MAML2: variants seen among roughly 807,000 people sequenced by gnomAD.
MAML2 encodes the protein mastermind like transcriptional coactivator 2.
Under a neutral mutation model 96.1 loss-of-function variants are expected in MAML2, and 22 were observed. The observed-to-expected ratio is 0.23, with a 90% confidence interval of 0.16 to 0.33. The LOEUF (loss-of-function observed/expected upper bound fraction) is 0.33. Ranked by LOEUF, MAML2 falls within the 10% of genes least tolerant of loss-of-function variation. The pLI is 1.00. For missense variants in MAML2, 1,367 were observed against 1,392.4 expected (o/e 0.98, Z 0.29); for synonymous variants, 561 against 521.3 (o/e 1.08, Z -1.04).
intron 2 of MAML2, 101 bp from the exon 3 acceptor site, chr11:95,991,824 T>G: frequency 1.1e-6 from 1 of 882,598 alleles, no homozygotes; most frequent in Non-Finnish European, 1.8e-6. Context: ...TTTCATCTTA[T>G]TAAAGATCAA....
intron 1 of MAML2, among the ~76,000 whole-genome samples, chr11:96,333,212 G>A (rs1863876060): frequency 6.6e-6 from 1 of 152,128 alleles, no homozygotes; most frequent in Non-Finnish European, 1.5e-5. Context: ...CCATGTTAAT[G>A]TATGAATCTG....
In MAML2 at chr11:96,343,048, T is replaced by C. The variant is rs1435328530; in HGVS notation, c.-1153A>G. 7.6e-6 allele frequency: 3 copies of C among 397,072 alleles called. No individual in the cohort carries two copies. The highest frequency in any genetic ancestry group is 4.1e-5 in the African/African-American group (2 of 48,570). The allele number at this position is 397,072 out of a possible 1,614,324, so 24.6% of individuals were successfully genotyped here. ...TATCTCCTGTATTTGCTCCGCTTTA[T>C]AGATGGAAAAAAAAAGTAGCTTGTA... is the stretch of plus-strand genomic sequence containing the variant. On this transcript the variant is annotated 5_prime_UTR_variant, in exon 1 of 5. Transcript: ENST00000524717.
chr11:96,043,588 A>G (rs576450189), intron 2 of MAML2, among the ~76,000 whole-genome samples: 2 of 152,370 alleles, frequency 1.3e-5, no homozygotes, highest in Non-Finnish European at 2.9e-5. Flanking sequence ...AAATTTTCCC[A>G]TCAGAGGAAG....
At chr11:96,258,180 A>G (rs1196303604) in intron 1 of MAML2, among the ~76,000 whole-genome samples, 2 of 152,208 alleles carry the variant, frequency 1.3e-5, no homozygotes, top group Non-Finnish European at 2.9e-5. Flanking sequence ...ATACATTTTC[A>G]TATTTACTGA....
intron 1 of MAML2, among the ~76,000 whole-genome samples, chr11:96,244,386 G>A (rs1862484675): frequency 6.6e-6 from 1 of 152,148 alleles, no homozygotes; most frequent in Admixed American, 6.5e-5. Flanking sequence ...GAAGCTTGTG[G>A]TTGTTACACT....
intron 2 of MAML2, among the ~76,000 whole-genome samples, chr11:96,020,250 T>C (rs1858416209): frequency 6.6e-6 from 1 of 152,170 alleles, no homozygotes; most frequent in South Asian, 2.1e-4. Flanking sequence ...CTTTTGCTGC[T>C]TTTTCCCCTC....
chr11:96,298,590 A>G (rs1394292222), intron 1 of MAML2, among the ~76,000 whole-genome samples: 3 of 152,076 alleles, frequency 2.0e-5, no homozygotes, highest in Non-Finnish European at 4.4e-5. Context: ...CAAGCAAACA[A>G]AGAGGTAATG....
chr11:96,039,902 G>A (rs1310374217), intron 2 of MAML2, among the ~76,000 whole-genome samples: 8 of 149,948 alleles, frequency 5.3e-5, no homozygotes, highest in African/African-American at 1.7e-4. Flanking sequence ...AGCTTGCAGT[G>A]AGCAGAGATC....
At chr11:96,013,484 GC>G (rs1410490736) in intron 2 of MAML2, among the ~76,000 whole-genome samples, 1 of 152,138 alleles carries the variant, frequency 6.6e-6, no homozygotes, top group Non-Finnish European at 1.5e-5. Flanking sequence ...GTAGAGAAAG[GC>G]AGGTCCCTGG....
intron 1 of MAML2, 117 bp downstream of exon 1, chr11:96,341,266 C>T: frequency 8.5e-7 from 1 of 1,181,786 alleles, no homozygotes; most frequent in Non-Finnish European, 1.2e-6. Context: ...TTAAGGTAGT[C>T]AGGTGACATC....
intron 1 of MAML2, among the ~76,000 whole-genome samples, chr11:96,242,716 T>C (rs1368684422): frequency 6.6e-6 from 1 of 152,158 alleles, no homozygotes; most frequent in Non-Finnish European, 1.5e-5. Context: ...GGATAGACTC[T>C]GGCACTCAAG....
At chr11:96,285,420 G>C (rs1364061695) in intron 1 of MAML2, among the ~76,000 whole-genome samples, 2 of 152,154 alleles carry the variant, frequency 1.3e-5, no homozygotes, top group African/African-American at 4.8e-5. Context: ...TGCAGGCAAA[G>C]ATTTCATAGG....
intron 3 of MAML2, 83 bp downstream of exon 3, chr11:95,991,437 C>T: frequency 7.9e-7 from 1 of 1,264,808 alleles, no homozygotes; most frequent in Non-Finnish European, 1.2e-6. Context: ...CGTAAGTAGG[C>T]ACAGTAAATA....
intron 1 of MAML2, among the ~76,000 whole-genome samples, chr11:96,285,162 A>G (rs1863121903): frequency 6.6e-6 from 1 of 152,200 alleles, no homozygotes; most frequent in Non-Finnish European, 1.5e-5. Flanking sequence ...CTCTTCTCTT[A>G]ACAGATATAT....
intron 2 of MAML2, 26 bp downstream of exon 2, chr11:96,091,866 T>A: frequency 6.3e-7 from 1 of 1,598,330 alleles, no homozygotes; most frequent in Non-Finnish European, 8.5e-7. Flanking sequence ...CTGGGAACTC[T>A]GTATTTGGAG....
At chr11:96,257,974 A>C (rs10831503) in intron 1 of MAML2, among the ~76,000 whole-genome samples, 25,197 of 152,202 alleles carry the variant, frequency 0.17, 2,562 homozygotes, top group East Asian at 0.35. Context: ...AGATTTGCTT[A>C]CTTGATCCTA....
chr11:96,068,438 T>A (rs1590991835), intron 2 of MAML2, among the ~76,000 whole-genome samples: 2 of 120,292 alleles, frequency 1.7e-5, no homozygotes, highest in South Asian at 3.4e-4. Flanking sequence ...GGAGCTTACT[T>A]CACACACACA....
intron 1 of MAML2, among the ~76,000 whole-genome samples, chr11:96,102,044 A>G (rs1859941142): frequency 6.6e-6 from 1 of 152,226 alleles, no homozygotes; most frequent in South Asian, 2.1e-4. Context: ...TGGGAGGCTG[A>G]GGCAGACGGA....
At chr11:96,110,672 C>G (rs1310643199) in intron 1 of MAML2, among the ~76,000 whole-genome samples, 2 of 144,922 alleles carry the variant, frequency 1.4e-5, no homozygotes, top group African/African-American at 5.1e-5. Context: ...GTTTTATTTC[C>G]AAATAAATAT....
Sources: gnomAD v4.1 joint callset for allele counts (sites outside exome capture counted in the v4.1 genomes callset) on GRCh38, gnomAD v4.1.1 for gene constraint, MANE v1.5 for transcripts, NCBI Gene and HGNC (gene_info 2026-07-23, HGNC 2026-07-21) for gene names.